The following SEMA3E variants were observed in gnomAD, a reference collection of about 807,000 sequenced individuals.
SEMA3E encodes the protein semaphorin 3E.
SEMA3E carries 49 observed loss-of-function variants against 93.6 expected under a neutral mutation model. The ratio of observed to expected loss-of-function variants is 0.52; its 90% CI spans 0.42 to 0.66. The LOEUF is 0.66. Among genes scored for constraint, SEMA3E ranks in the 30% least tolerant of loss-of-function variants. The pLI, the probability that SEMA3E is intolerant of heterozygous loss-of-function variation, is 0.00. For missense variants in SEMA3E, 906 were observed against 964.8 expected, an observed-to-expected ratio of 0.94 and a Z score of 0.81; for synonymous variants, 363 against 330.7, an observed-to-expected ratio of 1.10 and a Z score of -1.06.
intron 1 of SEMA3E, among the ~76,000 whole-genome samples, chr7:83,541,066 G>A (rs1309386463): frequency 2.0e-5 from 3 of 152,174 alleles, no homozygotes; most frequent in Non-Finnish European, 4.4e-5. Context: ...CACACCCTTA[G>A]GGGAAGGCTT....
At chr7:83,607,547 A>G (rs975261803) in intron 1 of SEMA3E, among the ~76,000 whole-genome samples, 14 of 152,188 alleles carry the variant, frequency 9.2e-5, no homozygotes, top group Non-Finnish European at 1.5e-4. Context: ...AAGATTCTAT[A>G]CAAATATAAA....
At chr7:83,426,997 A>G (rs1788784664) in intron 4 of SEMA3E, among the ~76,000 whole-genome samples, 1 of 152,118 alleles carries the variant, frequency 6.6e-6, no homozygotes, top group South Asian at 2.1e-4. Flanking sequence ...TCTGTTTAAC[A>G]TAACATAGTG....
rs368455674 is a variant in SEMA3E at position 83,473,046 on chromosome 7, C to T, written c.277-3744G>A. Among the ~76,000 whole-genome samples, 10 of 152,274 alleles carry T rather than the reference C, an allele frequency of 6.6e-5. No individual in the cohort carries two copies. In the East Asian group the frequency reaches 1.5e-3, roughly 24 times the overall value. ...AAACCTCTTTCCTTTAAAAATTATC[C>T]AATCTTGGTAGTTGTTTATAGCAGT... On this transcript the variant is annotated intron_variant, in intron 2 of 16. Coordinates refer to ENST00000643230, the MANE Select transcript of SEMA3E (RefSeq NM_012431.3).
chr7:83,385,456 A>G (rs182067174), intron 15 of SEMA3E, 23 bp from the exon 16 acceptor site: 142 of 1,612,092 alleles, frequency 8.8e-5, no homozygotes, highest in Non-Finnish European at 3.6e-5. Context: ...CATTAATGCC[A>G]TCTTTGAGAC....
At chr7:83,485,049 T>G (rs1407368173) in intron 2 of SEMA3E, among the ~76,000 whole-genome samples, 1 of 152,202 alleles carries the variant, frequency 6.6e-6, no homozygotes, top group Admixed American at 6.5e-5. Context: ...GACATTAACA[T>G]ATTCTATCAC....
intron 4 of SEMA3E, among the ~76,000 whole-genome samples, chr7:83,437,669 A>G (rs181793457): frequency 1.3e-4 from 20 of 152,308 alleles, no homozygotes; most frequent in Admixed American, 1.0e-3. Context: ...GGAAATTAAA[A>G]CAAACTAAGA....
Position 83,380,793 on chromosome 7 carries a change from G to A in SEMA3E, c.1875+4501C>T, listed in dbSNP as rs1486568498. 2.0e-5 allele frequency among the ~76,000 whole-genome samples: 3 copies of A among 151,968 alleles called. No individual in the cohort carries two copies. In the South Asian group the frequency reaches 6.2e-4, roughly 31 times the overall value. The stretch of plus-strand genomic sequence containing the variant: ...CATGGCCTATTAAAGTAGGCTCCGA[G>A]TAGATATTTACTGAGTTCAAAACAC... On this transcript the variant is annotated intron_variant, in intron 16 of 16. Coordinates refer to ENST00000643230, the MANE Select transcript of SEMA3E (RefSeq NM_012431.3).
chr7:83,478,838 G>A (rs145859442), intron 2 of SEMA3E, among the ~76,000 whole-genome samples: 2,059 of 152,272 alleles, frequency 0.014, 56 homozygotes, highest in African/African-American at 0.046. Context: ...TGATCTCAAA[G>A]CAATAACCTG....
chr7:83,574,415 T>A, intron 1 of SEMA3E, among the ~76,000 whole-genome samples: 1 of 148,680 alleles, frequency 6.7e-6, no homozygotes, highest in Non-Finnish European at 1.5e-5. Flanking sequence ...ACACAATGAG[T>A]GAGGCCATAC....
intron 1 of SEMA3E, among the ~76,000 whole-genome samples, chr7:83,575,680 G>A (rs1477007299): frequency 6.6e-6 from 1 of 152,028 alleles, no homozygotes; most frequent in Non-Finnish European, 1.5e-5. Flanking sequence ...TGTAAGCTGT[G>A]GATCCCTTCT....
intron 2 of SEMA3E, among the ~76,000 whole-genome samples, chr7:83,484,211 C>T (rs1478668685): frequency 6.6e-6 from 1 of 152,202 alleles, no homozygotes; most frequent in Admixed American, 6.5e-5. Flanking sequence ...AATATTTTCA[C>T]TGACCACTCT....
chr7:83,414,707 G>T (rs879046495), intron 5 of SEMA3E, among the ~76,000 whole-genome samples: 1 of 151,952 alleles, frequency 6.6e-6, no homozygotes. Flanking sequence ...ACTTTGAAAA[G>T]CATCCCTAAA....
At chr7:83,384,331 A>G (rs1161802677) in intron 16 of SEMA3E, among the ~76,000 whole-genome samples, 1 of 151,974 alleles carries the variant, frequency 6.6e-6, no homozygotes. Context: ...CCTTCCATTG[A>G]TTCACTCTCT....
Position 83,407,100 on chromosome 7 carries a change from A to C in SEMA3E, c.810T>G (p.Cys270Trp). Residue 270 changes from cysteine to tryptophan, a missense_variant, in exon 7 of 17, where the codon TGT becomes TGG. By Grantham distance (215) the Cys-to-Trp change is radical. Transcript: ENST00000643230. ...HAIYTRVGRL[C>W]VNDVGGQRIL... ...ATAATGAGAGAGAAAGCCTCACCAC[A>C]CAGAGTCGCCCGACCCTGGTGTAAA... 1 of 1,613,438 alleles carries C rather than the reference A, an allele frequency of 6.2e-7. No homozygotes were observed. The highest frequency in any genetic ancestry group is 8.5e-7 in the Non-Finnish European group (1 of 1,179,716).
intron 2 of SEMA3E, among the ~76,000 whole-genome samples, chr7:83,487,565 A>C (rs1048785116): frequency 6.6e-6 from 1 of 151,116 alleles, no homozygotes; most frequent in Admixed American, 6.6e-5. Flanking sequence ...GAGAGAGAGA[A>C]GAAAAAGAGA....
rs923354670 is a variant in SEMA3E at position 83,365,904 on chromosome 7, A to G, written c.*1682T>C. On this transcript the variant is annotated 3_prime_UTR_variant, in exon 17 of 17. Coordinates refer to ENST00000643230, the MANE Select transcript of SEMA3E (RefSeq NM_012431.3). ...AATATAGTTTTTAAAAATACATTTC[A>G]CTACATAGTCTTTTCAGTTATTATT... 2 of 152,104 alleles carry G rather than the reference A, an allele frequency of 1.3e-5. No individual in the cohort carries two copies. Among genetic ancestry groups the G allele is most frequent in the African/African-American group, 4.8e-5 (2 of 41,442 alleles). 9.4% of individuals were successfully genotyped at this position (152,104 alleles called of 1,614,324 possible). A position where few individuals can be genotyped will look rare whatever the true frequency, so the allele number is the denominator to read the frequency against.
chr7:83,550,390 T>C (rs543156658), intron 1 of SEMA3E, among the ~76,000 whole-genome samples: 3 of 152,230 alleles, frequency 2.0e-5, no homozygotes, highest in South Asian at 2.1e-4. Flanking sequence ...CTGACATATA[T>C]AGTAAGGCAT....
intron 5 of SEMA3E, among the ~76,000 whole-genome samples, chr7:83,414,201 G>A (rs1383923513): frequency 8.2e-6 from 1 of 121,448 alleles, no homozygotes; most frequent in East Asian, 3.5e-4. Context: ...TGCTTATTAT[G>A]TTTGTAGAAC....
chr7:83,436,820 T>C (rs1789013826), intron 4 of SEMA3E, among the ~76,000 whole-genome samples: 1 of 152,196 alleles, frequency 6.6e-6, no homozygotes, highest in African/African-American at 2.4e-5. Flanking sequence ...TGTATATCTA[T>C]ATGGGTGGTT....
Sources: gnomAD v4.1 joint callset for allele counts (sites outside exome capture counted in the v4.1 genomes callset) on GRCh38, gnomAD v4.1.1 for gene constraint, MANE v1.5 for transcripts, NCBI Gene and HGNC (gene_info 2026-07-23, HGNC 2026-07-21) for gene names.